The following PTPRM variants were observed in gnomAD, a reference collection of about 807,000 sequenced individuals.
PTPRM encodes the protein receptor-type tyrosine-protein phosphatase mu.
In PTPRM, 47 loss-of-function variants were observed where a neutral mutation model predicts 186.7. That is an observed-to-expected ratio of 0.25 (90% CI 0.20 to 0.32). The LOEUF is 0.32. Among genes scored for constraint, PTPRM ranks in the 10% least tolerant of loss-of-function variants. PTPRM has a pLI of 1.00. For missense variants in PTPRM, 1,494 were observed against 1,865.0 expected (o/e 0.80, Z 3.66); for synonymous variants, 668 against 674.9 (o/e 0.99, Z 0.16).
At chr18:8,217,269 A>T (rs2094099875) in intron 14 of PTPRM, among the ~76,000 whole-genome samples, 1 of 134,170 alleles carries the variant, frequency 7.5e-6, no homozygotes, top group African/African-American at 2.5e-5. Flanking sequence ...TGACTAATGA[A>T]GTCTTGCGCA....
intron 22 of PTPRM, among the ~76,000 whole-genome samples, chr18:8,322,159 G>A (rs1302889266): frequency 6.6e-6 from 1 of 152,130 alleles, no homozygotes; most frequent in Non-Finnish European, 1.5e-5. Flanking sequence ...TACAAATGGT[G>A]CAATTTGCTG....
intron 1 of PTPRM, among the ~76,000 whole-genome samples, chr18:7,718,673 G>A (rs568461527): frequency 2.6e-4 from 39 of 152,078 alleles, no homozygotes; most frequent in South Asian, 1.0e-3. Context: ...TCTGACAAAG[G>A]ACTAATATCC....
intron 2 of PTPRM, among the ~76,000 whole-genome samples, chr18:7,826,343 G>C (rs748622628): frequency 9.9e-5 from 15 of 152,192 alleles, no homozygotes; most frequent in Non-Finnish European, 2.2e-4. Context: ...CTATTAACAT[G>C]CCTTTCTAGG....
At chr18:7,617,237 AG>A (rs1245739533) in intron 1 of PTPRM, among the ~76,000 whole-genome samples, 3 of 152,152 alleles carry the variant, frequency 2.0e-5, no homozygotes, top group Non-Finnish European at 4.4e-5. Context: ...ATGGTTTTAA[AG>A]GGAGTTTGGA....
chr18:7,697,668 A>G (rs2039873962), intron 1 of PTPRM, among the ~76,000 whole-genome samples: 1 of 152,164 alleles, frequency 6.6e-6, no homozygotes, highest in South Asian at 2.1e-4. Context: ...AATCCTTATG[A>G]GTAATATAGC....
chr18:7,892,864 C>T (rs536999814), intron 3 of PTPRM, among the ~76,000 whole-genome samples: 102 of 152,282 alleles, frequency 6.7e-4, no homozygotes, highest in Non-Finnish European at 9.4e-4. Flanking sequence ...AGAGCTCTCA[C>T]GCCTCTCTTC....
At chr18:8,390,232 A>C (rs1300993156) in intron 31 of PTPRM, among the ~76,000 whole-genome samples, 1 of 152,222 alleles carries the variant, frequency 6.6e-6, no homozygotes, top group African/African-American at 2.4e-5. Context: ...GGTGGGGAAG[A>C]CTGCCTGGAC....
intron 14 of PTPRM, among the ~76,000 whole-genome samples, chr18:8,169,481 C>G (rs946752115): frequency 2.6e-5 from 4 of 152,244 alleles, no homozygotes; most frequent in African/African-American, 9.6e-5. Flanking sequence ...CGAGTACACT[C>G]TCTGAACACT....
chr18:8,331,329 A>G (rs2095411175), intron 22 of PTPRM, among the ~76,000 whole-genome samples: 1 of 152,202 alleles, frequency 6.6e-6, no homozygotes, highest in Admixed American at 6.5e-5. Context: ...TTACCCATAG[A>G]TATCTCTTTG....
intron 1 of PTPRM, among the ~76,000 whole-genome samples, chr18:7,725,234 CT>C (rs2040522907): frequency 6.6e-6 from 1 of 152,126 alleles, no homozygotes; most frequent in African/African-American, 2.4e-5. Flanking sequence ...TTGGGGGGTC[CT>C]TTTGTAAGGC....
At chr18:8,369,891 A>G (rs2095653587) in intron 23 of PTPRM, among the ~76,000 whole-genome samples, 2 of 152,214 alleles carry the variant, frequency 1.3e-5, no homozygotes, top group Non-Finnish European at 2.9e-5. Context: ...TCAAGATTAT[A>G]GTGGGCTGCG....
At chr18:7,960,215 C>A (rs953558238) in intron 7 of PTPRM, among the ~76,000 whole-genome samples, 1 of 151,998 alleles carries the variant, frequency 6.6e-6, no homozygotes, top group Non-Finnish European at 1.5e-5. Context: ...AATGACTAAA[C>A]AATTAAGATT....
At position 8,380,370 on chromosome 18, in the gene PTPRM, G is replaced by C; in HGVS notation, c.3861G>C (p.Leu1287=). 2.5e-6 allele frequency: 4 copies of C among 1,614,196 alleles called. No homozygotes were observed. The highest frequency in any genetic ancestry group is 1.6e-4 in the Middle Eastern group (1 of 6,062). The part of the protein sequence containing the change: ...LPNTVKDFWR[L]VLDYHCTSVV... Reference sequence around the variant, plus strand: ...ACACAGTGAAAGACTTTTGGAGACTGGTCCTGGATTATCACTGCACATCCG... The same window carrying C: ...ACACAGTGAAAGACTTTTGGAGACTCGTCCTGGATTATCACTGCACATCCG... The change falls in exon 29 of 33, where the codon CTG becomes CTC. Residue 1287 remains leucine, a synonymous_variant. Coordinates refer to ENST00000580170, the MANE Select transcript of PTPRM (RefSeq NM_001105244.2).
At chr18:8,065,560 T>C (rs1032369240) in intron 7 of PTPRM, among the ~76,000 whole-genome samples, 1 of 152,116 alleles carries the variant, frequency 6.6e-6, no homozygotes, top group Non-Finnish European at 1.5e-5. Context: ...GCCTCATGAT[T>C]CATGCCAACG....
intron 2 of PTPRM, among the ~76,000 whole-genome samples, chr18:7,841,004 G>A (rs1424356759): frequency 6.6e-6 from 1 of 152,152 alleles, no homozygotes; most frequent in Non-Finnish European, 1.5e-5. Context: ...AACTGGAGAA[G>A]CTATGTGCAA....
chr18:7,591,420 TG>T (rs2037122391), intron 1 of PTPRM, among the ~76,000 whole-genome samples: 1 of 152,124 alleles, frequency 6.6e-6, no homozygotes, highest in African/African-American at 2.4e-5. Context: ...CAAGTGAGTC[TG>T]GGCCACTAAT....
intron 1 of PTPRM, among the ~76,000 whole-genome samples, chr18:7,570,428 C>T (rs778652300): frequency 1.3e-5 from 2 of 152,258 alleles, no homozygotes; most frequent in South Asian, 2.1e-4. Flanking sequence ...AGCCAATTTT[C>T]GTTTTCTTCT....
intron 14 of PTPRM, among the ~76,000 whole-genome samples, chr18:8,226,659 CT>C (rs1297709100): frequency 1.3e-5 from 2 of 152,184 alleles, no homozygotes; most frequent in African/African-American, 2.4e-5. Context: ...ATTCTGAACA[CT>C]GTTTGATTAT....
intron 1 of PTPRM, among the ~76,000 whole-genome samples, chr18:7,717,666 A>G (rs1050202574): frequency 6.6e-6 from 1 of 152,244 alleles, no homozygotes; most frequent in African/African-American, 2.4e-5. Flanking sequence ...ATCTGTGGAC[A>G]GCAGCGTTAA....
Sources: allele counts gnomAD v4.1 joint callset (sites outside exome capture counted in the v4.1 genomes callset), GRCh38; gene constraint gnomAD v4.1.1; transcripts MANE v1.5; gene names NCBI Gene and HGNC (gene_info 2026-07-23, HGNC 2026-07-21).